The following AMY2B variants were observed in gnomAD, a reference collection of about 807,000 sequenced individuals.
AMY2B encodes the protein amylase alpha 2B, also known as alpha-amylase 2B.
A neutral mutation model predicts 59.3 loss-of-function variants in AMY2B; 63 were observed. The observed-to-expected ratio is 1.06, with a 90% CI of 0.87 to 1.31. The LOEUF is 1.31. Among genes scored for constraint, AMY2B ranks in the 50% most tolerant of loss-of-function variants. AMY2B has a pLI of 0.00. For missense variants in AMY2B, 635 were observed against 626.7 expected, an observed-to-expected ratio of 1.01 and a Z score of -0.14; for synonymous variants, 180 against 198.1, an observed-to-expected ratio of 0.91 and a Z score of 0.77.
chr1:103,573,802 A>G lies in AMY2B; in HGVS notation c.608A>G (p.Asp203Gly). ...KIAEYMNHLI[D>G]IGVAGFRLDA... ...GCCGAATATATGAATCATCTCATTG[A>G]CATTGGTGTTGCAGGGTTCAGACTT... The change falls in exon 4 of 10, where the codon GAC becomes GGC. Residue 203 changes from aspartate to glycine, a missense_variant. Transcript: ENST00000684275. 1 of 1,613,886 alleles carries G rather than the reference A, an allele frequency of 6.2e-7. No homozygotes were observed. Among genetic ancestry groups the G allele is most frequent in the Non-Finnish European group, 8.5e-7 (1 of 1,179,792 alleles).
intron 9 of AMY2B, among the ~76,000 whole-genome samples, chr1:103,579,066 A>T (rs1165569774): frequency 6.6e-6 from 1 of 152,208 alleles, no homozygotes; most frequent in Non-Finnish European, 1.5e-5. Flanking sequence ...ATCTTCAGTG[A>T]TATTCTTCAA....
At chr1:103,573,370 C>T in intron 3 of AMY2B, 110 bp downstream of exon 3, 1 of 1,548,886 alleles carries the variant, frequency 6.5e-7, no homozygotes, top group Non-Finnish European at 8.8e-7. Context: ...CTCTTAGGGA[C>T]ACAGGTTAAC....
intron 7 of AMY2B, among the ~76,000 whole-genome samples, chr1:103,577,153 G>C (rs1473485586): frequency 6.6e-6 from 1 of 152,132 alleles, no homozygotes; most frequent in African/African-American, 2.4e-5. Flanking sequence ...TAGGAGGATC[G>C]CTTGAGCCTG....
At chr1:103,563,805 A>G (rs780502881) in intron 1 of AMY2B, among the ~76,000 whole-genome samples, 6 of 152,190 alleles carry the variant, frequency 3.9e-5, no homozygotes, top group Non-Finnish European at 7.4e-5. Context: ...CAAAACTACC[A>G]TGGATCTGCC....
At chr1:103,560,453 C>CT (rs1316270981) in intron 1 of AMY2B, among the ~76,000 whole-genome samples, 2 of 152,006 alleles carry the variant, frequency 1.3e-5, no homozygotes, top group Non-Finnish European at 2.9e-5. Context: ...TTACCTTTAC[C>CT]TTTTTTCTAT....
chr1:103,566,767 C>T (rs1651924159), upstream of AMY2B, among the ~76,000 whole-genome samples: 2 of 152,126 alleles, frequency 1.3e-5, no homozygotes. Flanking sequence ...TCTGTCTGGG[C>T]CTTAGTTCCA....
intron 1 of AMY2B, among the ~76,000 whole-genome samples, chr1:103,556,939 A>C (rs1270431462): frequency 1.3e-5 from 2 of 152,172 alleles, no homozygotes; most frequent in African/African-American, 4.8e-5. Context: ...ATGCTAACAA[A>C]TAATGACCTC....
Position 103,571,923 on chromosome 1 carries a change from G to A in AMY2B, c.168+153G>A, listed in dbSNP as rs1856085. On this transcript the variant is annotated intron_variant, in intron 1 of 9. Transcript: ENST00000684275. Reference sequence around the variant, plus strand: ...AGGAAAAAACAATGTAGTATTCTTGGCAACTTTATATTTTGTTTCTGAGAT... The same window carrying A: ...AGGAAAAAACAATGTAGTATTCTTGACAACTTTATATTTTGTTTCTGAGAT... Among the ~76,000 whole-genome samples, 1,253 of 152,194 alleles carry A rather than the reference G, an allele frequency of 8.2e-3. 70 individuals are homozygous for A. The highest frequency in any genetic ancestry group is 0.066 in the Admixed American group (1,003 of 15,272).
At position 103,573,248 on chromosome 1, in the gene AMY2B, T is replaced by A; in HGVS notation, c.501T>A (p.Asn167Lys). ...KTGSGDIENY[N>K]DATQVRDCRL... is the part of the protein sequence containing the mutation. ...GAAGTGGAGATATCGAGAACTACAATGATGCTACTCAGGTAAATTTTTTTA... is the reference window on the plus strand; with the variant it reads ...GAAGTGGAGATATCGAGAACTACAAAGATGCTACTCAGGTAAATTTTTTTA... The change falls in exon 3 of 10, where the codon AAT (asparagine) becomes AAA (lysine). Residue 167 changes from asparagine (N) to lysine (K), a missense_variant. By Grantham distance (94) the Asn-to-Lys change is moderately conservative. Transcript: ENST00000684275. 6.2e-7 allele frequency: 1 copy of A among 1,613,628 alleles called. No individual in the cohort carries two copies. The highest frequency in any genetic ancestry group is 8.5e-7 in the Non-Finnish European group (1 of 1,179,600).
chr1:103,578,580 A>G (rs549497971), intron 9 of AMY2B, among the ~76,000 whole-genome samples: 1 of 152,192 alleles, frequency 6.6e-6, no homozygotes, highest in Non-Finnish European at 1.5e-5. Context: ...TTCACTGATG[A>G]AAAATAAATA....
intron 4 of AMY2B, 96 bp downstream of exon 4, chr1:103,574,034 T>G: frequency 6.3e-7 from 1 of 1,590,548 alleles, no homozygotes; most frequent in Non-Finnish European, 8.6e-7. Context: ...GGATAAGGAC[T>G]GAGTCATTTA....
upstream of AMY2B, chr1:103,570,145 A>G: frequency 2.2e-6 from 1 of 451,074 alleles, no homozygotes; most frequent in East Asian, 5.4e-5. Context: ...GGTTGGCTAT[A>G]GCTTCAGCAC....
rs769218700 is a variant in AMY2B at position 103,577,877 on chromosome 1, G to A, written c.1346+32G>A. The stretch of plus-strand genomic sequence containing the variant: ...ACATATCAATTAAAAATAATATTTT[G>A]TACCTGTATGCTCTTGGTTTATTCC... On this transcript the variant is annotated intron_variant, in intron 9 of 9. Transcript: ENST00000684275. The A allele has an allele frequency of 5.6e-6, 9 of 1,597,050 alleles. No individual in the cohort carries two copies. The Admixed American group carries it at 1.2e-4, about 21-fold the overall frequency.
At chr1:103,563,494 G>T (rs1481522908) in intron 1 of AMY2B, among the ~76,000 whole-genome samples, 1 of 152,006 alleles carries the variant, frequency 6.6e-6, no homozygotes, top group East Asian at 1.9e-4. Flanking sequence ...TTTTATTTCA[G>T]AAGACATAAA....
chr1:103,575,026 A>G lies in AMY2B; in HGVS notation c.879-197A>G, dbSNP rs552744377. On this transcript the variant is annotated intron_variant, in intron 5 of 9. Coordinates refer to ENST00000684275, the MANE Select transcript of AMY2B (RefSeq NM_001387437.1). ...GTGTGTGTATATGGTGTGTGTGTGTATATATATTTGAGTGTGTGTTTGTGT... is the reference window on the plus strand; with the variant it reads ...GTGTGTGTATATGGTGTGTGTGTGTGTATATATTTGAGTGTGTGTTTGTGT... Among the ~76,000 whole-genome samples, 10 of 147,130 alleles carry G rather than the reference A, an allele frequency of 6.8e-5. No individual in the cohort carries two copies. In the East Asian group the frequency reaches 1.6e-3, roughly 24 times the overall value.
intron 7 of AMY2B, 77 bp downstream of exon 7, chr1:103,575,617 T>C (rs1342175614): frequency 1.3e-6 from 2 of 1,568,836 alleles, no homozygotes; most frequent in Non-Finnish European, 1.7e-6. Context: ...ATATGACAAC[T>C]ATTAATTATA....
chr1:103,575,361 C>G lies in AMY2B; in HGVS notation c.1001+16C>G. On this transcript the variant is annotated intron_variant, in intron 6 of 9. Transcript: ENST00000684275. ...GGGATGCTAGGTAGAAAACCAAGTT[C>G]TCTATTTTTTTTAACACATCTTTTA... 4 of 1,612,836 alleles carry G rather than the reference C, an allele frequency of 2.5e-6. No individual in the cohort carries two copies. Among genetic ancestry groups the G allele is most frequent in the Non-Finnish European group, 2.5e-6 (3 of 1,179,566 alleles).
upstream of AMY2B, chr1:103,571,357 A>G (rs1206602561): frequency 5.8e-6 from 6 of 1,036,920 alleles, no homozygotes; most frequent in East Asian, 2.8e-5. Context: ...ATCATTGTGT[A>G]TGGAAAAATA....
intron 7 of AMY2B, among the ~76,000 whole-genome samples, chr1:103,576,325 GTA>G (rs1652352128): frequency 6.6e-6 from 1 of 152,092 alleles, no homozygotes; most frequent in African/African-American, 2.4e-5. Flanking sequence ...CTGTTACTTT[GTA>G]TAGCAACTGA....
Sources: gnomAD v4.1 joint callset for allele counts (sites outside exome capture counted in the v4.1 genomes callset) on GRCh38, gnomAD v4.1.1 for gene constraint, MANE v1.5 for transcripts, NCBI Gene and HGNC (gene_info 2026-07-23, HGNC 2026-07-21) for gene names.